The following OLFM3 variants were observed in gnomAD, a reference collection of about 807,000 sequenced individuals.
The protein encoded by OLFM3 is noelin-3.
In OLFM3, 20 loss-of-function variants were observed where a neutral mutation model predicts 48.6. That is an observed-to-expected ratio of 0.41 (90% CI 0.29 to 0.60). The LOEUF is 0.60. OLFM3 is among the 20% of genes least tolerant of loss of function. The pLI, the probability that OLFM3 is intolerant of heterozygous loss-of-function variation, is 0.28. For synonymous variants in OLFM3, 222 were observed against 198.1 expected, an observed-to-expected ratio of 1.12 and a Z score of -1.01; for missense variants, 437 against 544.3, an observed-to-expected ratio of 0.80 and a Z score of 1.96.
chr1:101,829,331 C>T (rs1438163948), intron 3 of OLFM3, among the ~76,000 whole-genome samples: 1 of 152,102 alleles, frequency 6.6e-6, no homozygotes, highest in Non-Finnish European at 1.5e-5. Context: ...AATTACTTAA[C>T]CTGCTGGTTT....
intron 1 of OLFM3, among the ~76,000 whole-genome samples, chr1:101,904,354 G>C (rs775580666): frequency 1.3e-5 from 2 of 152,058 alleles, no homozygotes; most frequent in African/African-American, 2.4e-5. Flanking sequence ...TTTTAGGAAC[G>C]AGTCAGAAGT....
At chr1:101,942,547 C>T (rs979299696) in intron 1 of OLFM3, among the ~76,000 whole-genome samples, 5 of 152,142 alleles carry the variant, frequency 3.3e-5, no homozygotes, top group African/African-American at 1.2e-4. Context: ...TTTCTCTATT[C>T]CTGTAGCAGT....
intron 1 of OLFM3, among the ~76,000 whole-genome samples, chr1:101,993,574 G>A (rs939590158): frequency 2.6e-5 from 4 of 151,968 alleles, no homozygotes; most frequent in African/African-American, 9.7e-5. Flanking sequence ...CTTAAAATAG[G>A]CAGTGATATA....
chr1:101,889,821 G>T (rs1366611795), intron 1 of OLFM3, among the ~76,000 whole-genome samples: 1 of 151,758 alleles, frequency 6.6e-6, no homozygotes, highest in Non-Finnish European at 1.5e-5. Context: ...ACATATATTT[G>T]CCATATTTAA....
chr1:101,816,871 C>T (rs1233922409), intron 4 of OLFM3, among the ~76,000 whole-genome samples: 2 of 152,088 alleles, frequency 1.3e-5, no homozygotes, highest in African/African-American at 4.8e-5. Context: ...ACAGAGCTCT[C>T]GATGTTGATT....
chr1:101,856,565 T>C (rs536076556), intron 1 of OLFM3, among the ~76,000 whole-genome samples: 1 of 152,010 alleles, frequency 6.6e-6, no homozygotes, highest in Non-Finnish European at 1.5e-5. Context: ...TGTCTCTTGT[T>C]ATTGAAATCA....
intron 1 of OLFM3, among the ~76,000 whole-genome samples, chr1:101,967,262 A>G (rs1454198381): frequency 6.6e-6 from 1 of 151,256 alleles, no homozygotes; most frequent in Non-Finnish European, 1.5e-5. Context: ...TGTCTTCCCT[A>G]TTCAAAACTC....
chr1:101,808,796 G>A (rs538154372), intron 4 of OLFM3, among the ~76,000 whole-genome samples: 3 of 151,790 alleles, frequency 2.0e-5, no homozygotes, highest in South Asian at 2.1e-4. Flanking sequence ...ATGTATAACC[G>A]AGGATGGCCA....
intron 1 of OLFM3, among the ~76,000 whole-genome samples, chr1:101,878,599 A>G (rs551494168): frequency 3.9e-5 from 6 of 151,948 alleles, no homozygotes; most frequent in African/African-American, 1.4e-4. Context: ...AATGGAGACA[A>G]GATTCTAGTA....
Position 101,830,707 on chromosome 1 carries a change from C to T in OLFM3, c.337G>A (p.Asp113Asn). 2 of 1,614,166 alleles carry T rather than the reference C, an allele frequency of 1.2e-6. No homozygotes were observed. Among genetic ancestry groups the T allele is most frequent in the Non-Finnish European group, 1.7e-6 (2 of 1,180,022 alleles). ...GLKAKFRQIEDDRKTLMTKHF... is the reference protein window; with the variant it reads ...GLKAKFRQIENDRKTLMTKHF... ...TTGGTCATAAGTGTCTTTCGATCATCTTCAATCTGCCGAAATTTTGCCTTC... is the reference window on the plus strand; with the variant it reads ...TTGGTCATAAGTGTCTTTCGATCATTTTCAATCTGCCGAAATTTTGCCTTC... Residue 113 changes from aspartate (D) to asparagine (N), a missense_variant, in exon 3 of 6, where the codon GAT (aspartate) becomes AAT (asparagine). Around this residue, in one of 3 missense-constraint regions of OLFM3, gnomAD observed 314 missense variants for 365.5 expected, o/e 0.86. Transcript: ENST00000370103.
chr1:101,982,125 C>T (rs924620110), intron 1 of OLFM3, among the ~76,000 whole-genome samples: 3 of 152,070 alleles, frequency 2.0e-5, no homozygotes, highest in Admixed American at 2.0e-4. Flanking sequence ...TGGGGGAAAC[C>T]TCCCCAACAA....
chr1:101,885,928 C>A (rs1043098265), intron 1 of OLFM3, among the ~76,000 whole-genome samples: 2 of 152,016 alleles, frequency 1.3e-5, no homozygotes, highest in African/African-American at 4.8e-5. Context: ...CTGCACAGGG[C>A]GTCAGCACCC....
chr1:101,966,681 A>C (rs77700960), intron 1 of OLFM3, among the ~76,000 whole-genome samples: 116 of 152,332 alleles, frequency 7.6e-4, no homozygotes, highest in African/African-American at 2.5e-3. Flanking sequence ...GCTAGGGAAG[A>C]GAAAGTAAGC....
At chr1:101,826,765 T>A (rs535339460) in intron 3 of OLFM3, among the ~76,000 whole-genome samples, 92 of 152,336 alleles carry the variant, frequency 6.0e-4, no homozygotes, top group African/African-American at 2.1e-3. Context: ...TTAAAGTATC[T>A]TGTGGTATCC....
At chr1:101,895,155 T>A (rs1272634096) in intron 1 of OLFM3, among the ~76,000 whole-genome samples, 2 of 152,102 alleles carry the variant, frequency 1.3e-5, no homozygotes, top group Non-Finnish European at 2.9e-5. Flanking sequence ...ACATGCTGTA[T>A]AACCTTTATT....
chr1:101,864,813 C>T (rs925379891), intron 1 of OLFM3, among the ~76,000 whole-genome samples: 1 of 152,146 alleles, frequency 6.6e-6, no homozygotes, highest in Non-Finnish European at 1.5e-5. Context: ...AACTTCAATA[C>T]CAGTGCCAAT....
At chr1:101,854,346 G>C (rs1047254297) in intron 1 of OLFM3, among the ~76,000 whole-genome samples, 3 of 151,824 alleles carry the variant, frequency 2.0e-5, no homozygotes, top group African/African-American at 7.3e-5. Flanking sequence ...AATGAATTTA[G>C]AATGAAAAAC....
chr1:101,980,302 G>C lies in OLFM3; in HGVS notation c.69+16446C>G, dbSNP rs574388799. 2.0e-5 allele frequency among the ~76,000 whole-genome samples: 3 copies of C among 152,152 alleles called. No homozygotes were observed. The South Asian group carries it at 6.2e-4, about 32-fold the overall frequency. The stretch of plus-strand genomic sequence containing the variant: ...AGACATGAGATTTGGGAGGGGCCGG[G>C]GTGGAATGATATGGTTTGGCTCTGT... On this transcript the variant is annotated intron_variant, in intron 1 of 5. Coordinates refer to ENST00000370103, the MANE Select transcript of OLFM3 (RefSeq NM_058170.4).
intron 1 of OLFM3, among the ~76,000 whole-genome samples, chr1:101,861,939 G>A (rs1171586690): frequency 6.6e-6 from 1 of 152,174 alleles, no homozygotes; most frequent in Non-Finnish European, 1.5e-5. Context: ...CAGAAGCATG[G>A]AGCATCCAAT....
Sources: allele counts gnomAD v4.1 joint callset (sites outside exome capture counted in the v4.1 genomes callset), GRCh38; gene constraint gnomAD v4.1.1; regional missense constraint gnomAD v4.1.1; transcripts MANE v1.5; gene names NCBI Gene and HGNC (gene_info 2026-07-23, HGNC 2026-07-21).